The following PALS2 variants were observed in gnomAD, a reference collection of about 807,000 sequenced individuals.
PALS2 encodes the protein protein PALS2.
In PALS2, 27 loss-of-function variants were observed where a neutral mutation model predicts 61.6. The ratio of observed to expected loss-of-function variants is 0.44; its 90% CI spans 0.32 to 0.60. The LOEUF is 0.60. Among genes scored for constraint, PALS2 ranks in the 20% least tolerant of loss-of-function variants. PALS2 has a pLI of 0.05. For missense variants in PALS2, 554 were observed against 639.4 expected (o/e 0.87, Z 1.44); for synonymous variants, 236 against 218.6 (o/e 1.08, Z -0.70).
At chr7:24,658,261 A>G (rs956148518) in intron 5 of PALS2, among the ~76,000 whole-genome samples, 1 of 152,204 alleles carries the variant, frequency 6.6e-6, no homozygotes, top group African/African-American at 2.4e-5. Context: ...CATTTCTAGA[A>G]GTTCAGATTG....
At chr7:24,599,525 T>TA (rs1554299788) in intron 1 of PALS2, among the ~76,000 whole-genome samples, 24 of 143,716 alleles carry the variant, frequency 1.7e-4, no homozygotes, top group East Asian at 5.9e-4. Context: ...TTTTTTTTTT[T>TA]ATGGAGTCTT....
At chr7:24,622,035 A>G (rs1439146623) in intron 1 of PALS2, among the ~76,000 whole-genome samples, 2 of 152,022 alleles carry the variant, frequency 1.3e-5, no homozygotes, top group South Asian at 2.1e-4. Flanking sequence ...GTATGTATGT[A>G]TATATGCTAG....
chr7:24,664,079 A>C (rs562225031), intron 6 of PALS2, among the ~76,000 whole-genome samples: 1 of 152,126 alleles, frequency 6.6e-6, no homozygotes, highest in South Asian at 2.1e-4. Flanking sequence ...TAAGTAGGAG[A>C]CTTTTACTGT....
intron 2 of PALS2, among the ~76,000 whole-genome samples, chr7:24,632,081 CTT>C: frequency 6.6e-6 from 1 of 152,280 alleles, no homozygotes; most frequent in East Asian, 1.9e-4. Flanking sequence ...TAACCTATCT[CTT>C]TTTGCAGTTC....
intron 1 of PALS2, among the ~76,000 whole-genome samples, chr7:24,576,713 AG>A (rs1445541128): frequency 1.3e-5 from 2 of 152,218 alleles, no homozygotes; most frequent in Non-Finnish European, 2.9e-5. Context: ...GTTGTCTGGA[AG>A]GATCTGGAAA....
At position 24,691,653 on chromosome 7, in the gene PALS2, A is replaced by G. The variant is rs1788484619; in HGVS notation, c.*4039A>G. The G allele has an allele frequency of 1.3e-5, 2 of 151,658 alleles. No homozygotes were observed. The highest frequency in any genetic ancestry group is 4.2e-4 in the South Asian group (2 of 4,818). The allele number at this position is 151,658 out of a possible 1,614,324, so 9.4% of individuals were successfully genotyped here. On this transcript the variant is annotated 3_prime_UTR_variant, in exon 12 of 12. Coordinates refer to ENST00000222644, the MANE Select transcript of PALS2 (RefSeq NM_001303037.2). ...CTGAAAAATATATGAGAAACTCAGA[A>G]AGTAGTCATTATTATAATAAATTTA...
rs192129349 is a variant in PALS2, at chr7:24,673,600, T to A, written c.1114+4940T>A. On this transcript the variant is annotated intron_variant, in intron 9 of 11. Transcript: ENST00000222644. ...GTTATAGGTCAACTTGGATTTTTTTTAAAATCAGTTTCAGGATTTCTGCAG... is the reference window on the plus strand; with the variant it reads ...GTTATAGGTCAACTTGGATTTTTTTAAAAATCAGTTTCAGGATTTCTGCAG... 5.5e-3 allele frequency among the ~76,000 whole-genome samples: 838 copies of A among 152,260 alleles called. 6 individuals are homozygous for A. The highest frequency in any genetic ancestry group is 0.018 in the African/African-American group (765 of 41,570).
Position 24,668,785 on chromosome 7 carries a change from G to A in PALS2, c.1114+125G>A, listed in dbSNP as rs1787159797. 2.6e-5 allele frequency: 30 copies of A among 1,161,634 alleles called. No individual in the cohort carries two copies. In the East Asian group the frequency reaches 7.3e-4, roughly 28 times the overall value. 72.0% of individuals were successfully genotyped at this position (1,161,634 alleles called of 1,614,324 possible). A position where few individuals can be genotyped will look rare whatever the true frequency, so the allele number is the denominator to read the frequency against. The stretch of plus-strand genomic sequence containing the variant: ...ATAAGTTTTCTTTATGGCAGTGAAA[G>A]TGAACAAGTAAAAGACATTGAAAAA... On this transcript the variant is annotated intron_variant, in intron 9 of 11. Transcript: ENST00000222644.
rs79426629 is a variant in PALS2 at position 24,680,563 on chromosome 7, C to G, written c.1446+43C>G. 1,965 of 1,581,834 alleles carry G rather than the reference C, an allele frequency of 1.2e-3. 14 individuals are homozygous for G. In the African/African-American group the frequency reaches 0.019, roughly 15 times the overall value. On this transcript the variant is annotated intron_variant, in intron 11 of 11. Transcript: ENST00000222644. The stretch of plus-strand genomic sequence containing the variant: ...TTTTCCTTCTAAAATCTTTCCTTTT[C>G]TTTTGAGCATGTTTAACTGTTATCT...
chr7:24,653,038 G>T (rs145083499), intron 5 of PALS2, among the ~76,000 whole-genome samples: 78 of 152,280 alleles, frequency 5.1e-4, no homozygotes, highest in African/African-American at 1.7e-3. Flanking sequence ...AAGGCCAACT[G>T]ATAGGAATTC....
intron 2 of PALS2, among the ~76,000 whole-genome samples, chr7:24,641,259 A>G (rs901229498): frequency 6.6e-6 from 1 of 152,016 alleles, no homozygotes; most frequent in Admixed American, 6.6e-5. Flanking sequence ...GGGTTTCCAA[A>G]ATTATTTTTA....
chr7:24,624,048 T>C, intron 2 of PALS2: 2 of 1,314,300 alleles, frequency 1.5e-6, no homozygotes, highest in Middle Eastern at 2.0e-4. Flanking sequence ...ACCTGCACAG[T>C]TGTGTTTTAA....
chr7:24,682,757 CCT>C (rs1483519383), intron 11 of PALS2, among the ~76,000 whole-genome samples: 1 of 152,112 alleles, frequency 6.6e-6, no homozygotes, highest in Non-Finnish European at 1.5e-5. Context: ...CCCTCCCTTC[CCT>C]CTCTTTTCAC....
chr7:24,636,654 A>G lies in PALS2; in HGVS notation c.118-5062A>G, dbSNP rs74933656. On this transcript the variant is annotated intron_variant, in intron 2 of 11. Transcript: ENST00000222644. ...ACATTGTACACCATAAATATGTACA[A>G]TATGTATCAATTAGAAATATAAAAT... is the stretch of plus-strand genomic sequence containing the variant. 1.1e-3 allele frequency among the ~76,000 whole-genome samples: 169 copies of G among 152,322 alleles called. 1 individual carries two copies. The East Asian group carries it at 0.031, about 28-fold the overall frequency.
intron 1 of PALS2, among the ~76,000 whole-genome samples, chr7:24,593,955 C>T (rs1392525264): frequency 6.6e-6 from 1 of 152,090 alleles, no homozygotes; most frequent in Non-Finnish European, 1.5e-5. Flanking sequence ...TGACTTTTCA[C>T]TAGCTATGAA....
chr7:24,575,736 C>A (rs1782619277), intron 1 of PALS2, among the ~76,000 whole-genome samples: 1 of 151,938 alleles, frequency 6.6e-6, no homozygotes, highest in South Asian at 2.1e-4. Flanking sequence ...GAGAGAGTTA[C>A]AAATAATACA....
chr7:24,580,246 C>G (rs769428992), intron 1 of PALS2, among the ~76,000 whole-genome samples: 1 of 151,992 alleles, frequency 6.6e-6, no homozygotes, highest in Non-Finnish European at 1.5e-5. Flanking sequence ...GATTCTTTAC[C>G]TAAGTGGGCA....
rs1324620021 is a variant in PALS2, at chr7:24,687,261, TA to T, written c.1447-175del. Among the ~76,000 whole-genome samples, 1 of 152,188 alleles carries T rather than the reference TA, an allele frequency of 6.6e-6. No individual in the cohort carries two copies. Among genetic ancestry groups the T allele is most frequent in the Non-Finnish European group, 1.5e-5 (1 of 68,032 alleles). ...TAAACATGAGTGTTGTTGGAAAGAA[TA>T]AGACATGAACAGATGGCAGTGTTGT... is the stretch of plus-strand genomic sequence containing the variant. On this transcript the variant is annotated intron_variant, in intron 11 of 11. Coordinates refer to ENST00000222644, the MANE Select transcript of PALS2 (RefSeq NM_001303037.2). The surrounding 1 kb of genome is among the most constrained non-coding windows in gnomAD (Gnocchi z 4.5).
Position 24,629,349 on chromosome 7 carries a change from A to G in PALS2, c.117+5565A>G, listed in dbSNP as rs186488191. Among the ~76,000 whole-genome samples the G allele has an allele frequency of 4.6e-5, 7 of 152,344 alleles. No individual in the cohort carries two copies. The East Asian group carries it at 1.3e-3, about 29-fold the overall frequency. On this transcript the variant is annotated intron_variant, in intron 2 of 11. Coordinates refer to ENST00000222644, the MANE Select transcript of PALS2 (RefSeq NM_001303037.2). ...TACAAAAATTAAGTCAAGATAGATT[A>G]AAGACTTAAACGTAAGACCTAAGAC... is the stretch of plus-strand genomic sequence containing the variant.
Sources: allele counts gnomAD v4.1 joint callset (sites outside exome capture counted in the v4.1 genomes callset), GRCh38; gene constraint gnomAD v4.1.1; non-coding constraint Gnocchi (gnomAD v3.1); transcripts MANE v1.5; gene names NCBI Gene and HGNC (gene_info 2026-07-23, HGNC 2026-07-21).